Variants in RBM17 observed in about 807,000 individuals in gnomAD.
RBM17 encodes the protein splicing factor 45.
In RBM17, 7 loss-of-function variants were observed where a neutral mutation model predicts 53.2. The observed-to-expected ratio is 0.13, with a 90% CI of 0.07 to 0.25. The LOEUF (loss-of-function observed/expected upper bound fraction) is 0.25, where lower values mean the gene tolerates loss of function less well. Ranked by LOEUF, RBM17 falls within the 10% of genes least tolerant of loss-of-function variation. The pLI is 1.00. For missense variants in RBM17, 257 were observed against 496.7 expected (o/e 0.52, Z 4.59); for synonymous variants, 167 against 178.1 (o/e 0.94, Z 0.50).
intron 1 of RBM17, 172 bp from the exon 2 acceptor site, chr10:6,096,876 G>A (rs1435473686): frequency 1.2e-5 from 6 of 484,670 alleles, no homozygotes; most frequent in East Asian, 7.4e-5. Context: ...ATAATCCATG[G>A]TCTAGCTTCA....
At chr10:6,102,171 A>G (rs1316226667) in intron 3 of RBM17, among the ~76,000 whole-genome samples, 1 of 152,260 alleles carries the variant, frequency 6.6e-6, no homozygotes, top group Non-Finnish European at 1.5e-5. Flanking sequence ...AAACAGCATC[A>G]TGAATTGCAC....
chr10:6,098,564 T>TGTTG (rs1491275678), intron 2 of RBM17, among the ~76,000 whole-genome samples: 1 of 31,624 alleles, frequency 3.2e-5, no homozygotes, highest in Non-Finnish European at 5.7e-5. Flanking sequence ...AGGTTTTTTG[T>TGTTG]TTTTTTTTTT....
At chr10:6,098,879 C>G (rs1001985122) in intron 2 of RBM17, among the ~76,000 whole-genome samples, 2 of 151,466 alleles carry the variant, frequency 1.3e-5, no homozygotes, top group African/African-American at 4.8e-5. Flanking sequence ...AAAAGTTCTA[C>G]TCATTTTTCT....
chr10:6,113,295 A>G (rs1840866809), intron 8 of RBM17: 1 of 434,622 alleles, frequency 2.3e-6, no homozygotes, highest in South Asian at 3.1e-5. Flanking sequence ...TCCAGATGCT[A>G]TTGTAAAAAC....
Position 6,098,765 on chromosome 10 carries a change from G to A in RBM17, c.123+1577G>A, listed in dbSNP as rs7910967. 9.2e-3 allele frequency among the ~76,000 whole-genome samples: 1,404 copies of A among 151,982 alleles called. 23 individuals carry two copies. The highest frequency in any genetic ancestry group is 0.033 in the African/African-American group (1,359 of 41,436). ...GTGTTTCACCTTGTAAGCCAGGATGGTCTCGATTTCCTGACCTCGTGATCC... is the reference window on the plus strand; with the variant it reads ...GTGTTTCACCTTGTAAGCCAGGATGATCTCGATTTCCTGACCTCGTGATCC... On this transcript the variant is annotated intron_variant, in intron 2 of 11. Coordinates refer to ENST00000379888, the MANE Select transcript of RBM17 (RefSeq NM_032905.5).
chr10:6,100,907 A>AATTGAATG lies in RBM17; in HGVS notation c.124-363_124-356dup, dbSNP rs1840660331. 2.6e-5 allele frequency among the ~76,000 whole-genome samples: 4 copies of AATTGAATG among 152,348 alleles called. No homozygotes were observed. The South Asian group carries it at 8.3e-4, about 32-fold the overall frequency. On this transcript the variant is annotated intron_variant, in intron 2 of 11. Coordinates refer to ENST00000379888, the MANE Select transcript of RBM17 (RefSeq NM_032905.5). The stretch of plus-strand genomic sequence containing the variant: ...AGAAGTATGGTAGAACATTAACAAT[A>AATTGAATG]ATTGAATGTATAGAAATGATTTTCT...
intron 1 of RBM17, among the ~76,000 whole-genome samples, chr10:6,094,224 C>T (rs1205814502): frequency 2.6e-5 from 4 of 152,054 alleles, no homozygotes; most frequent in East Asian, 3.9e-4. Context: ...GTGATCCACC[C>T]GCCTCAGCCT....
At chr10:6,092,082 A>G (rs578165119) in intron 1 of RBM17, among the ~76,000 whole-genome samples, 1 of 152,240 alleles carries the variant, frequency 6.6e-6, no homozygotes, top group Non-Finnish European at 1.5e-5. Context: ...TGTAGCATAT[A>G]TGAAACGTGG....
intron 7 of RBM17, among the ~76,000 whole-genome samples, chr10:6,111,419 A>C (rs1033409486): frequency 2.0e-5 from 3 of 152,220 alleles, no homozygotes; most frequent in Non-Finnish European, 2.9e-5. Context: ...GCCTCACTGC[A>C]ACCTCTGCCT....
intron 11 of RBM17, 21 bp downstream of exon 11, chr10:6,115,332 T>C (rs959947413): frequency 6.3e-7 from 1 of 1,593,818 alleles, no homozygotes; most frequent in Non-Finnish European, 8.6e-7. Context: ...CAGCTAAATA[T>C]TAAAGAATAA....
intron 5 of RBM17, among the ~76,000 whole-genome samples, chr10:6,107,047 T>A (rs376162799): frequency 7.2e-5 from 11 of 152,250 alleles, no homozygotes; most frequent in African/African-American, 2.7e-4. Flanking sequence ...CATGGAAGTA[T>A]TTCAAAGGAA....
At chr10:6,102,377 C>T (rs1275948215) in intron 3 of RBM17, among the ~76,000 whole-genome samples, 1 of 152,150 alleles carries the variant, frequency 6.6e-6, no homozygotes, top group African/African-American at 2.4e-5. Flanking sequence ...TGCTTATGTT[C>T]TGGGCCAGTC....
intron 3 of RBM17, among the ~76,000 whole-genome samples, chr10:6,104,377 T>C (rs1467387629): frequency 6.6e-6 from 1 of 152,206 alleles, no homozygotes; most frequent in Admixed American, 6.5e-5. Flanking sequence ...TCCCCTTGTG[T>C]CAAACTCAGT....
At chr10:6,101,035 T>C (rs557937052) in intron 2 of RBM17, among the ~76,000 whole-genome samples, 2 of 152,196 alleles carry the variant, frequency 1.3e-5, no homozygotes, top group African/African-American at 4.8e-5. Flanking sequence ...CTTTTGAAAG[T>C]GACTAAGTTT....
chr10:6,109,911 A>G (rs1417520234), intron 6 of RBM17, 75 bp from the exon 7 acceptor site: 1 of 1,225,046 alleles, frequency 8.2e-7, no homozygotes, highest in Non-Finnish European at 1.1e-6. Flanking sequence ...GTTCAAGATA[A>G]ATAATTGATA....
rs772561719 is a variant in RBM17 at position 6,101,360 on chromosome 10, T to C, written c.213T>C (p.Thr71=). 1 of 1,612,870 alleles carries C rather than the reference T, an allele frequency of 6.2e-7. No individual in the cohort carries two copies. The highest frequency in any genetic ancestry group is 8.5e-7 in the Non-Finnish European group (1 of 1,179,416). ...GSSDDRQIVD[T]PPHVAAGLKD... Reference sequence around the variant, plus strand: ...CAGATGACCGGCAAATTGTGGACACTCCACCGCATGTAGCAGCTGGGCTGA... The same window carrying C: ...CAGATGACCGGCAAATTGTGGACACCCCACCGCATGTAGCAGCTGGGCTGA... The change falls in exon 3 of 12, where the codon ACT becomes ACC. Residue 71 remains threonine (T), a synonymous_variant. Transcript: ENST00000379888.
intron 3 of RBM17, among the ~76,000 whole-genome samples, chr10:6,103,976 T>C (rs1476559915): frequency 6.6e-6 from 1 of 152,094 alleles, no homozygotes; most frequent in African/African-American, 2.4e-5. Flanking sequence ...TTAAAAAAAA[T>C]GGGGACACTA....
chr10:6,104,149 T>C (rs968271816), intron 3 of RBM17, among the ~76,000 whole-genome samples: 1 of 150,412 alleles, frequency 6.6e-6, no homozygotes, highest in Non-Finnish European at 1.5e-5. Context: ...AGACCGAGGC[T>C]GCCAGCCTAG....
In RBM17 at chr10:6,097,083, C is replaced by G; in HGVS notation, c.18C>G (p.Asp6Glu). The G allele has an allele frequency of 6.2e-7, 1 of 1,613,598 alleles. No individual in the cohort carries two copies. Among genetic ancestry groups the G allele is most frequent in the Non-Finnish European group, 8.5e-7 (1 of 1,179,934 alleles). Reference sequence around the variant, plus strand: ...AAGAAAAGATGTCCCTGTACGATGACCTAGGAGTGGAGACCAGTGACTCAA... The same window carrying G: ...AAGAAAAGATGTCCCTGTACGATGAGCTAGGAGTGGAGACCAGTGACTCAA... MSLYD[D>E]LGVETSDSKT... Residue 6 changes from aspartate to glutamate, a missense_variant, in exon 2 of 12, where the codon GAC becomes GAG. By Grantham distance (45) the Asp-to-Glu change is conservative. Transcript: ENST00000379888.
Sources: allele counts gnomAD v4.1 joint callset (sites outside exome capture counted in the v4.1 genomes callset), GRCh38; gene constraint gnomAD v4.1.1; transcripts MANE v1.5; gene names NCBI Gene and HGNC (gene_info 2026-07-23, HGNC 2026-07-21).